SEC24A: variants seen among roughly 807,000 people sequenced by gnomAD.
SEC24A encodes SEC24 homolog A, COPII component.
SEC24A carries 93 observed loss-of-function variants against 129.4 expected under a neutral mutation model. That is an observed-to-expected ratio of 0.72 (90% CI 0.61 to 0.85). SEC24A has a LOEUF of 0.85. Ranked by LOEUF, SEC24A falls within the 40% of genes least tolerant of loss-of-function variation. The pLI, the probability that SEC24A is intolerant of heterozygous loss-of-function variation, is 0.00. For synonymous variants in SEC24A, 460 were observed against 467.3 expected (o/e 0.98, Z 0.20); for missense variants, 1,264 against 1,307.4 (o/e 0.97, Z 0.51).
chr5:134,649,927 A>G (rs891955047), intron 1 of SEC24A, among the ~76,000 whole-genome samples: 1 of 152,234 alleles, frequency 6.6e-6, no homozygotes, highest in South Asian at 2.1e-4. Context: ...TTGTTACAAT[A>G]GACAAAGACT....
In SEC24A at chr5:134,727,585, C is replaced by T. The variant is rs574522902; in HGVS notation, c.*2491C>T. 340 of 152,570 alleles carry T rather than the reference C, an allele frequency of 2.2e-3. 2 individuals carry two copies. Among genetic ancestry groups the T allele is most frequent in the Non-Finnish European group, 4.2e-3 (286 of 67,994 alleles). 9.5% of individuals were successfully genotyped at this position (152,570 alleles called of 1,614,324 possible). A position where few individuals can be genotyped will look rare whatever the true frequency, so the allele number is the denominator to read the frequency against. On this transcript the variant is annotated 3_prime_UTR_variant, in exon 23 of 23. Coordinates refer to ENST00000398844, the MANE Select transcript of SEC24A (RefSeq NM_021982.3). ...TAACAGCTATTATCTAGGGGACCACCAAATGTGATTTCAAAATTTTGTTAA... is the reference window on the plus strand; with the variant it reads ...TAACAGCTATTATCTAGGGGACCACTAAATGTGATTTCAAAATTTTGTTAA...
At chr5:134,696,145 C>G (rs1015287065) in intron 13 of SEC24A, among the ~76,000 whole-genome samples, 1 of 151,422 alleles carries the variant, frequency 6.6e-6, no homozygotes, top group African/African-American at 2.4e-5. Flanking sequence ...TGGTGCATGC[C>G]TGTAATCCCA....
At chr5:134,704,753 T>C (rs1402012580) in intron 16 of SEC24A, among the ~76,000 whole-genome samples, 1 of 151,320 alleles carries the variant, frequency 6.6e-6, no homozygotes, top group African/African-American at 2.4e-5. Context: ...CAGTGAGTTA[T>C]GATTGTGCCA....
chr5:134,650,668 T>A (rs1180264947), intron 1 of SEC24A, among the ~76,000 whole-genome samples: 1 of 151,984 alleles, frequency 6.6e-6, no homozygotes, highest in Non-Finnish European at 1.5e-5. Context: ...CCTTCCAAAG[T>A]GCTGTAATTA....
chr5:134,695,559 G>A (rs563326866), intron 13 of SEC24A, among the ~76,000 whole-genome samples: 1 of 152,212 alleles, frequency 6.6e-6, no homozygotes, highest in East Asian at 1.9e-4. Flanking sequence ...GGCCAAGGTG[G>A]GTGGATCACG....
rs139283834 is a variant in SEC24A, at chr5:134,724,998, A to C, written c.3186A>C (p.Lys1062Asn). The C allele has an allele frequency of 1.9e-6, 3 of 1,606,140 alleles. No homozygotes were observed. Among genetic ancestry groups the C allele is most frequent in the Non-Finnish European group, 2.6e-6 (3 of 1,173,876 alleles). The change falls in exon 23 of 23, where the codon AAA becomes AAC. Residue 1062 changes from lysine (K) to asparagine (N), a missense_variant. Physicochemically the swap from Lys to Asn is moderately conservative, Grantham distance 94. Coordinates refer to ENST00000398844, the MANE Select transcript of SEC24A (RefSeq NM_021982.3). Reference protein sequence around the residue: ...LYVIRDESPMKANFLQNMIED... With the variant: ...LYVIRDESPMNANFLQNMIED... ...TCCTAAGGGATGAGAGTCCAATGAAAGCAAACTTCCTTCAAAACATGATAG... is the reference window on the plus strand; with the variant it reads ...TCCTAAGGGATGAGAGTCCAATGAACGCAAACTTCCTTCAAAACATGATAG...
intron 8 of SEC24A, among the ~76,000 whole-genome samples, chr5:134,681,763 A>T (rs1751281643): frequency 6.6e-6 from 1 of 152,266 alleles, no homozygotes; most frequent in African/African-American, 2.4e-5. Flanking sequence ...TTTGACCACT[A>T]GTGTATTATA....
intron 1 of SEC24A, among the ~76,000 whole-genome samples, chr5:134,660,164 C>A (rs1750399143): frequency 6.6e-6 from 1 of 150,652 alleles, no homozygotes; most frequent in South Asian, 2.1e-4. Flanking sequence ...GAATTTGAGA[C>A]CAGCCTGGGC....
At chr5:134,682,633 GGCAGGT>G in intron 9 of SEC24A, 151 bp downstream of exon 9, 1 of 521,826 alleles carries the variant, frequency 1.9e-6, no homozygotes, top group Non-Finnish European at 3.4e-6. Context: ...GTGGTGCAGT[GGCAGGT>G]TCAAGGCTCA....
chr5:134,673,522 G>A (rs1200804103), intron 4 of SEC24A, among the ~76,000 whole-genome samples: 1 of 151,776 alleles, frequency 6.6e-6, no homozygotes, highest in African/African-American at 2.4e-5. Flanking sequence ...GAGTGCAGTG[G>A]GCACAATCTC....
chr5:134,680,172 TGAG>T (rs999371691), intron 8 of SEC24A, among the ~76,000 whole-genome samples: 3 of 152,164 alleles, frequency 2.0e-5, no homozygotes, highest in Admixed American at 6.5e-5. Flanking sequence ...TCTCAGTAAT[TGAG>T]GAGGAGGAGA....
At chr5:134,684,424 T>G (rs1751380694) in intron 9 of SEC24A, among the ~76,000 whole-genome samples, 1 of 151,536 alleles carries the variant, frequency 6.6e-6, no homozygotes, top group Admixed American at 6.6e-5. Context: ...ATAGAAAACA[T>G]TTTGTTGGCC....
intron 1 of SEC24A, among the ~76,000 whole-genome samples, chr5:134,652,886 C>T (rs1750111459): frequency 6.6e-6 from 1 of 152,176 alleles, no homozygotes; most frequent in Non-Finnish European, 1.5e-5. Flanking sequence ...GCTCCGCCTC[C>T]TGGGTTCATG....
chr5:134,685,857 C>T (rs192452545), intron 9 of SEC24A, among the ~76,000 whole-genome samples: 237 of 152,044 alleles, frequency 1.6e-3, no homozygotes, highest in African/African-American at 5.3e-3. Context: ...GGCGTGGTGG[C>T]GCGTGCCTGT....
chr5:134,666,576 AAAAGAAAGAAAG>A (rs201410319), intron 2 of SEC24A, among the ~76,000 whole-genome samples: 3 of 148,692 alleles, frequency 2.0e-5, no homozygotes, highest in Admixed American at 7.0e-5. Flanking sequence ...CAGGCAGGAG[AAAAGAAAGAAAG>A]AAAGAAAGAA....
At chr5:134,681,340 C>T (rs1156749716) in intron 8 of SEC24A, among the ~76,000 whole-genome samples, 3 of 151,984 alleles carry the variant, frequency 2.0e-5, no homozygotes, top group Non-Finnish European at 4.4e-5. Context: ...GCGGAGGTTG[C>T]AGTGAACCGA....
At position 134,675,153 on chromosome 5, in the gene SEC24A, A is replaced by G. The variant is rs1167692226; in HGVS notation, c.1087A>G (p.Thr363Ala). 1 of 1,613,818 alleles carries G rather than the reference A, an allele frequency of 6.2e-7. No individual in the cohort carries two copies. The highest frequency in any genetic ancestry group is 8.5e-7 in the Non-Finnish European group (1 of 1,179,794). ...TCAAGAAAGAAACATGCTTCCGTCAACACCTTTGAAGCCTCCAGTTCCAAA... is the reference window on the plus strand; with the variant it reads ...TCAAGAAAGAAACATGCTTCCGTCAGCACCTTTGAAGCCTCCAGTTCCAAA... Reference protein sequence around the residue: ...LLQERNMLPSTPLKPPVPNLH... With the variant: ...LLQERNMLPSAPLKPPVPNLH... The change falls in exon 6 of 23, where the codon ACA (threonine) becomes GCA (alanine). Residue 363 changes from threonine to alanine, a missense_variant. Coordinates refer to ENST00000398844, the MANE Select transcript of SEC24A (RefSeq NM_021982.3).
chr5:134,672,780 G>C (rs1750912646), intron 4 of SEC24A, among the ~76,000 whole-genome samples: 1 of 151,422 alleles, frequency 6.6e-6, no homozygotes, highest in Non-Finnish European at 1.5e-5. Context: ...CTGTCACCCA[G>C]GCTCAAGTGC....
intron 19 of SEC24A, among the ~76,000 whole-genome samples, chr5:134,716,187 G>A (rs1752471119): frequency 6.6e-6 from 1 of 152,110 alleles, no homozygotes; most frequent in Non-Finnish European, 1.5e-5. Context: ...TTCAGGCCAG[G>A]TATGGTGGCT....
Sources: allele counts gnomAD v4.1 joint callset (sites outside exome capture counted in the v4.1 genomes callset), GRCh38; gene constraint gnomAD v4.1.1; transcripts MANE v1.5; gene names NCBI Gene and HGNC (gene_info 2026-07-23, HGNC 2026-07-21).